Variants in CASK observed in about 807,000 individuals in gnomAD.
The protein encoded by CASK is peripheral plasma membrane protein CASK.
CASK carries 4 observed loss-of-function variants against 82.9 expected under a neutral mutation model. The observed-to-expected ratio is 0.05, with a 90% CI of 0.02 to 0.11. The LOEUF is 0.11. Among genes scored for constraint, CASK ranks in the 10% least tolerant of loss-of-function variants. The pLI is 1.00. For synonymous variants in CASK, 259 were observed against 253.5 expected (o/e 1.02, Z -0.20); for missense variants, 358 against 720.9 (o/e 0.50, Z 5.76).
chrX:41,887,029 C>T (rs2072061265), intron 1 of CASK, among the ~76,000 whole-genome samples: 1 of 110,638 alleles, frequency 9.0e-6, no homozygotes, highest in African/African-American at 3.3e-5. Flanking sequence ...TGCATACTCT[C>T]CCGTACAAAT....
chrX:41,832,576 T>C (rs760387966), intron 2 of CASK, among the ~76,000 whole-genome samples: 1 of 112,585 alleles, frequency 8.9e-6, no homozygotes, highest in East Asian at 2.8e-4. Flanking sequence ...TCTTCATTAT[T>C]TGCAGTACTT....
chrX:41,686,577 C>T (rs185313033), intron 5 of CASK, among the ~76,000 whole-genome samples: 50 of 111,067 alleles, frequency 4.5e-4, no homozygotes, highest in African/African-American at 1.4e-3. Flanking sequence ...GTGGTGTTGA[C>T]GCAACTCGTT....
intron 8 of CASK, among the ~76,000 whole-genome samples, chrX:41,642,127 T>C (rs1197152095): frequency 9.0e-6 from 1 of 111,402 alleles, no homozygotes; most frequent in African/African-American, 3.3e-5. Flanking sequence ...CGCCACATTT[T>C]CTTAATCCAG....
chrX:41,893,816 T>G (rs2072220980), intron 1 of CASK, among the ~76,000 whole-genome samples: 1 of 112,090 alleles, frequency 8.9e-6, no homozygotes, highest in Non-Finnish European at 1.9e-5. Context: ...TAGCACAAAC[T>G]TCAGTGGCCA....
intron 15 of CASK, among the ~76,000 whole-genome samples, chrX:41,570,017 T>C (rs998120749): frequency 6.5e-5 from 6 of 92,566 alleles, no homozygotes; most frequent in Non-Finnish European, 8.6e-5. Context: ...TTTCTTTTTT[T>C]TTTTTTTTTT....
intron 1 of CASK, among the ~76,000 whole-genome samples, chrX:41,921,913 T>G (rs1218369199): frequency 1.9e-5 from 2 of 106,143 alleles, no homozygotes; most frequent in Non-Finnish European, 3.9e-5. Flanking sequence ...ATTTCAATGT[T>G]AGCTCTAGCG....
At chrX:41,568,432 G>A (rs1281840838) in intron 16 of CASK, among the ~76,000 whole-genome samples, 2 of 110,567 alleles carry the variant, frequency 1.8e-5, no homozygotes, top group African/African-American at 3.3e-5. Context: ...CAGACATCAT[G>A]TTGTGTACAC....
At chrX:41,804,955 T>C (rs1452068513) in intron 2 of CASK, among the ~76,000 whole-genome samples, 1 of 112,200 alleles carries the variant, frequency 8.9e-6, no homozygotes, top group Non-Finnish European at 1.9e-5. Context: ...ATAAATACAA[T>C]GCTCTGTACC....
chrX:41,611,623 C>T (rs1208095991), intron 11 of CASK, among the ~76,000 whole-genome samples: 1 of 74,284 alleles, frequency 1.3e-5, no homozygotes, highest in Non-Finnish European at 2.8e-5. Context: ...CTCCCTCTCC[C>T]TCTCTCTCTC....
chrX:41,673,837 T>G (rs5918223), intron 5 of CASK, among the ~76,000 whole-genome samples: 18 of 86,762 alleles, frequency 2.1e-4, no homozygotes, highest in Non-Finnish European at 2.8e-4. Flanking sequence ...GTGTTTTTTT[T>G]TTTTTTTTTT....
intron 2 of CASK, among the ~76,000 whole-genome samples, chrX:41,846,758 T>G (rs1238278415): frequency 9.0e-6 from 1 of 111,291 alleles, no homozygotes; most frequent in African/African-American, 3.3e-5. Context: ...AAAAAATAAG[T>G]TTTCCTTTTA....
chrX:41,765,503 G>T (rs1310789976), intron 3 of CASK, among the ~76,000 whole-genome samples: 2 of 111,500 alleles, frequency 1.8e-5, no homozygotes, highest in Middle Eastern at 4.2e-3. Context: ...TTAGGGGAAT[G>T]GTTTAATAAA....
chrX:41,897,980 G>A (rs2072300167), intron 1 of CASK, among the ~76,000 whole-genome samples: 1 of 111,678 alleles, frequency 9.0e-6, no homozygotes, highest in Non-Finnish European at 1.9e-5. Flanking sequence ...GGGTAATGCT[G>A]GCTTCATAAA....
chrX:41,749,741 T>C (rs967925550), intron 3 of CASK, among the ~76,000 whole-genome samples: 10 of 111,175 alleles, frequency 9.0e-5, no homozygotes. Context: ...TAAAATCATT[T>C]TGTCAAACTA....
At chrX:41,796,745 C>T (rs2069862823) in intron 2 of CASK, among the ~76,000 whole-genome samples, 1 of 111,858 alleles carries the variant, frequency 8.9e-6, no homozygotes, top group South Asian at 3.7e-4. Context: ...TTCTCCTCTA[C>T]TTCCTATATG....
intron 1 of CASK, among the ~76,000 whole-genome samples, chrX:41,864,465 C>A (rs1386845573): frequency 1.8e-5 from 2 of 111,804 alleles, no homozygotes; most frequent in African/African-American, 6.5e-5. Context: ...CCTCTCTCTT[C>A]TGTCACACTC....
intron 11 of CASK, among the ~76,000 whole-genome samples, chrX:41,610,772 C>T (rs1206565953): frequency 9.0e-6 from 1 of 111,351 alleles, no homozygotes; most frequent in Non-Finnish European, 1.9e-5. Context: ...GGAAACCAGG[C>T]AGATGTCAGT....
chrX:41,688,101 G>A (rs2067476131), intron 5 of CASK, among the ~76,000 whole-genome samples: 1 of 110,276 alleles, frequency 9.1e-6, no homozygotes, highest in South Asian at 3.8e-4. Context: ...GAGGTTCTAA[G>A]GGGAAGTAAG....
At chrX:41,652,873 A>G (rs1209663090) in intron 8 of CASK, among the ~76,000 whole-genome samples, 1 of 112,243 alleles carries the variant, frequency 8.9e-6, no homozygotes, top group African/African-American at 3.2e-5. Flanking sequence ...CTAACAAATT[A>G]ATGGAACCCA....
Sources: gnomAD v4.1 joint callset for allele counts (sites outside exome capture counted in the v4.1 genomes callset) on GRCh38, gnomAD v4.1.1 for gene constraint, MANE v1.5 for transcripts, NCBI Gene and HGNC (gene_info 2026-07-23, HGNC 2026-07-21) for gene names.